ULK4: variants seen among roughly 807,000 people sequenced by gnomAD.
ULK4 encodes unc-51 like kinase 4.
In ULK4, 133 loss-of-function variants were observed where a neutral mutation model predicts 160.6. The observed-to-expected ratio is 0.83, with a 90% CI of 0.72 to 0.96. The LOEUF (loss-of-function observed/expected upper bound fraction) is 0.96, where lower values mean the gene tolerates loss of function less well. Among genes scored for constraint, ULK4 ranks in the 40% least tolerant of loss-of-function variants. ULK4 has a pLI of 0.00. For synonymous variants in ULK4, 534 were observed against 539.8 expected (o/e 0.99, Z 0.15); for missense variants, 1,580 against 1,499.5 (o/e 1.05, Z -0.89).
At chr3:41,721,362 A>ATATATATATATAT (rs1553639902) in intron 22 of ULK4, among the ~76,000 whole-genome samples, 4 of 27,956 alleles carry the variant, frequency 1.4e-4, no homozygotes, top group East Asian at 1.0e-3. Context: ...ATATATATAT[A>ATATATATATATAT]TTTTTTTTTT....
intron 30 of ULK4, among the ~76,000 whole-genome samples, chr3:41,631,854 G>C (rs559306492): frequency 2.0e-5 from 3 of 152,214 alleles, no homozygotes; most frequent in East Asian, 3.9e-4. Context: ...TGCAAGTCCT[G>C]TTTCGTCCAG....
intron 6 of ULK4, among the ~76,000 whole-genome samples, chr3:41,919,038 T>C (rs1699076513): frequency 6.6e-6 from 1 of 152,184 alleles, no homozygotes; most frequent in South Asian, 2.1e-4. Context: ...CTTCAAAATG[T>C]ATTATCATCC....
At chr3:41,754,607 T>A (rs2038736551) in intron 21 of ULK4, 119 bp from the exon 22 acceptor site, 1 of 829,158 alleles carries the variant, frequency 1.2e-6, no homozygotes, top group Non-Finnish European at 1.7e-6. Flanking sequence ...TAATAACTAC[T>A]GTTTTCGCAT....
chr3:41,632,103 T>A (rs1287984942), intron 30 of ULK4, among the ~76,000 whole-genome samples: 1 of 152,150 alleles, frequency 6.6e-6, no homozygotes, highest in East Asian at 1.9e-4. Flanking sequence ...CTTCCCAGTT[T>A]GAAACCACAT....
Position 41,838,167 on chromosome 3 carries a change from G to A in ULK4, c.1657-2196C>T, listed in dbSNP as rs557440520. Among the ~76,000 whole-genome samples the A allele has an allele frequency of 9.2e-5, 14 of 152,234 alleles. No individual in the cohort carries two copies. The South Asian group carries it at 1.0e-3, about 11-fold the overall frequency. On this transcript the variant is annotated intron_variant, in intron 17 of 36. Coordinates refer to ENST00000301831, the MANE Select transcript of ULK4 (RefSeq NM_017886.4). The stretch of plus-strand genomic sequence containing the variant: ...TACTCTAAAAGAGAAAGAAAATGAC[G>A]AAAGAAGAAACCTTGAAATAATCAG...
intron 17 of ULK4, among the ~76,000 whole-genome samples, chr3:41,864,917 G>A (rs189294915): frequency 8.5e-4 from 129 of 151,936 alleles, no homozygotes; most frequent in Non-Finnish European, 1.0e-3. Flanking sequence ...TTCCCCCCAG[G>A]ATTAATCTTT....
At chr3:41,476,200 T>G (rs1026386463) in intron 32 of ULK4, among the ~76,000 whole-genome samples, 3 of 152,122 alleles carry the variant, frequency 2.0e-5, no homozygotes, top group African/African-American at 7.2e-5. Flanking sequence ...TCTCCCACCT[T>G]ACCTAGTGGG....
At chr3:41,789,538 A>C in intron 21 of ULK4, 123 bp downstream of exon 21, 2 of 896,936 alleles carry the variant, frequency 2.2e-6, no homozygotes, top group Non-Finnish European at 1.6e-6. Flanking sequence ...GGTTTGGCAA[A>C]GTTCAAAAAG....
At chr3:41,730,994 A>G (rs941680764) in intron 22 of ULK4, among the ~76,000 whole-genome samples, 10 of 151,950 alleles carry the variant, frequency 6.6e-5, no homozygotes, top group African/African-American at 2.4e-4. Flanking sequence ...CAAAATAAAA[A>G]CTCTCCACAA....
intron 34 of ULK4, among the ~76,000 whole-genome samples, chr3:41,408,005 C>A (rs957540067): frequency 6.6e-6 from 1 of 151,690 alleles, no homozygotes; most frequent in African/African-American, 2.4e-5. Flanking sequence ...GGTATGAGAT[C>A]GATATACAAA....
At chr3:41,560,512 ATTTG>A (rs1384488149) in intron 32 of ULK4, among the ~76,000 whole-genome samples, 1 of 152,146 alleles carries the variant, frequency 6.6e-6, no homozygotes, top group African/African-American at 2.4e-5. Context: ...ATGTTTTCCC[ATTTG>A]TTTGTGTCCT....
chr3:41,825,317 C>A lies in ULK4; in HGVS notation c.1765-5811G>T, dbSNP rs186448548. On this transcript the variant is annotated intron_variant, in intron 18 of 36. Coordinates refer to ENST00000301831, the MANE Select transcript of ULK4 (RefSeq NM_017886.4). ...ACGGAACAAAGCTGGATGGAGAATG[C>A]CTTTGACGAGTTGAGAGAAGAAGGC... Among the ~76,000 whole-genome samples, 17 of 152,314 alleles carry A rather than the reference C, an allele frequency of 1.1e-4. No individual in the cohort carries two copies. In the East Asian group the frequency reaches 1.7e-3, roughly 16 times the overall value.
intron 17 of ULK4, among the ~76,000 whole-genome samples, chr3:41,875,625 A>G (rs1254999435): frequency 6.6e-6 from 1 of 152,180 alleles, no homozygotes; most frequent in Admixed American, 6.5e-5. Context: ...CATCTCAAAA[A>G]TAAAAATAGT....
At chr3:41,407,377 T>A (rs1331617562) in intron 34 of ULK4, among the ~76,000 whole-genome samples, 1 of 152,142 alleles carries the variant, frequency 6.6e-6, no homozygotes, top group Non-Finnish European at 1.5e-5. Flanking sequence ...ACTACCCTGA[T>A]ACCCCAACCA....
At chr3:41,697,293 C>A (rs1388653243) in intron 27 of ULK4, among the ~76,000 whole-genome samples, 1 of 152,066 alleles carries the variant, frequency 6.6e-6, no homozygotes, top group Non-Finnish European at 1.5e-5. Flanking sequence ...TATGATGGAG[C>A]TGAAAAATTC....
chr3:41,337,141 C>G (rs904875286), intron 35 of ULK4, among the ~76,000 whole-genome samples: 3 of 152,100 alleles, frequency 2.0e-5, no homozygotes, highest in Non-Finnish European at 4.4e-5. Context: ...AGATCCAGGT[C>G]TTATGATTTA....
chr3:41,517,074 T>C (rs1187047760), intron 32 of ULK4, among the ~76,000 whole-genome samples: 1 of 152,110 alleles, frequency 6.6e-6, no homozygotes, highest in Non-Finnish European at 1.5e-5. Context: ...TCTGAACAGA[T>C]ACCTCAACAA....
chr3:41,543,217 T>C (rs1300110469), intron 32 of ULK4, among the ~76,000 whole-genome samples: 1 of 152,068 alleles, frequency 6.6e-6, no homozygotes, highest in Non-Finnish European at 1.5e-5. Context: ...CTGTGTCTCA[T>C]CATTATAGTA....
intron 35 of ULK4, among the ~76,000 whole-genome samples, chr3:41,357,509 G>A (rs917275404): frequency 2.0e-5 from 3 of 152,160 alleles, no homozygotes; most frequent in Admixed American, 1.3e-4. Flanking sequence ...GCTTCCCGCG[G>A]TGTCAGTTTC....
Sources: gnomAD v4.1 joint callset for allele counts (sites outside exome capture counted in the v4.1 genomes callset) on GRCh38, gnomAD v4.1.1 for gene constraint, MANE v1.5 for transcripts, NCBI Gene and HGNC (gene_info 2026-07-23, HGNC 2026-07-21) for gene names.